Variants in MBLAC2 observed in about 807,000 individuals in gnomAD.
MBLAC2 encodes metallo-beta-lactamase domain containing 2.
In MBLAC2, 24 loss-of-function variants were observed where a neutral mutation model predicts 23.3. The ratio of observed to expected loss-of-function variants is 1.03; its 90% confidence interval spans 0.75 to 1.45. The LOEUF is 1.45. MBLAC2 is among the 40% of genes most tolerant of loss of function. The pLI is 0.00. For synonymous variants in MBLAC2, 162 were observed against 150.9 expected (o/e 1.07, Z -0.54); for missense variants, 358 against 370.0 (o/e 0.97, Z 0.27).
In MBLAC2 at chr5:90,474,114, G is replaced by A. The variant is rs1415809740; in HGVS notation, c.179C>T (p.Ser60Phe). 6.3e-7 allele frequency: 1 copy of A among 1,580,418 alleles called. No individual in the cohort carries two copies. The highest frequency in any genetic ancestry group is 8.6e-7 in the Non-Finnish European group (1 of 1,163,114). The change falls in exon 1 of 2, where the codon TCC (serine) becomes TTC (phenylalanine). Residue 60 changes from serine (S) to phenylalanine (F), a missense_variant. By Grantham distance (155) the Ser-to-Phe change is radical. Coordinates refer to ENST00000316610, the MANE Select transcript of MBLAC2 (RefSeq NM_203406.2). Reference sequence around the variant, plus strand: ...GGCCTCTCGGTCCTGCAAGAGGCCGGAGGAGTACAGGTACTCCGGGAGGCT... The same window carrying A: ...GGCCTCTCGGTCCTGCAAGAGGCCGAAGGAGTACAGGTACTCCGGGAGGCT... ...LRSLPEYLYS[S>F]GLLQDREAKE...
intron 1 of MBLAC2, chr5:90,473,499 T>C: frequency 1.7e-6 from 1 of 583,878 alleles, no homozygotes; most frequent in Non-Finnish European, 3.0e-6. Context: ...GGCAGGTGCT[T>C]AGGGAAAGAA....
chr5:90,461,118 G>C lies in MBLAC2; in HGVS notation c.*49C>G. 7.2e-7 allele frequency: 1 copy of C among 1,384,468 alleles called. No individual in the cohort carries two copies. 85.8% of individuals were successfully genotyped at this position (1,384,468 alleles called of 1,614,324 possible). On this transcript the variant is annotated 3_prime_UTR_variant, in exon 2 of 2. Coordinates refer to ENST00000316610, the MANE Select transcript of MBLAC2 (RefSeq NM_203406.2). Reference sequence around the variant, plus strand: ...CACTATTAATCAGTTAAATAGCACAGAATGAATTAATGTATATAATTAATC... The same window carrying C: ...CACTATTAATCAGTTAAATAGCACACAATGAATTAATGTATATAATTAATC...
intron 1 of MBLAC2, among the ~76,000 whole-genome samples, chr5:90,465,104 C>T (rs1339806979): frequency 6.6e-6 from 1 of 151,968 alleles, no homozygotes; most frequent in East Asian, 1.9e-4. Context: ...TACAGAAAAT[C>T]CTAAGTAGGA....
Position 90,473,544 on chromosome 5 carries a change from T to G in MBLAC2, c.454+295A>C, listed in dbSNP as rs558763914. Reference sequence around the variant, plus strand: ...CCTAGTCAGTCACAAGTCTTTGTAGTGTTACTGCTACAGCCGATGCAGGAA... The same window carrying G: ...CCTAGTCAGTCACAAGTCTTTGTAGGGTTACTGCTACAGCCGATGCAGGAA... On this transcript the variant is annotated intron_variant, in intron 1 of 1. Coordinates refer to ENST00000316610, the MANE Select transcript of MBLAC2 (RefSeq NM_203406.2). The G allele has an allele frequency of 4.0e-4, 252 of 623,374 alleles. 5 individuals carry two copies. The South Asian group carries it at 4.2e-3, about 10-fold the overall frequency. The allele number at this position is 623,374 out of a possible 1,614,324, so 38.6% of individuals were successfully genotyped here.
Position 90,474,294 on chromosome 5 carries a change from C to T in MBLAC2, c.-2G>A. On this transcript the variant is annotated 5_prime_UTR_variant, in exon 1 of 2. Coordinates refer to ENST00000316610, the MANE Select transcript of MBLAC2 (RefSeq NM_203406.2). ...GGCGTACCACTCGAGCGCCGACATGCTGGGCAGGGGTGCAGCCAGGCGGGG... is the reference window on the plus strand; with the variant it reads ...GGCGTACCACTCGAGCGCCGACATGTTGGGCAGGGGTGCAGCCAGGCGGGG... The T allele has an allele frequency of 6.2e-7, 1 of 1,612,574 alleles. No homozygotes were observed. Among genetic ancestry groups the T allele is most frequent in the Non-Finnish European group, 8.5e-7 (1 of 1,179,460 alleles).
Position 90,461,001 on chromosome 5 carries a change from A to G in MBLAC2, c.*166T>C, listed in dbSNP as rs1033152789. The G allele has an allele frequency of 8.3e-6, 5 of 605,572 alleles. No individual in the cohort carries two copies. Among genetic ancestry groups the G allele is most frequent in the Non-Finnish European group, 1.3e-5 (5 of 376,440 alleles). The allele number at this position is 605,572 out of a possible 1,614,324, so 37.5% of individuals were successfully genotyped here. On this transcript the variant is annotated 3_prime_UTR_variant, in exon 2 of 2. Coordinates refer to ENST00000316610, the MANE Select transcript of MBLAC2 (RefSeq NM_203406.2). Reference sequence around the variant, plus strand: ...TGGCTTCTTTCTTGGAAGAAAGAAAACAATTTAAACTAACAATTTTCTTTT... The same window carrying G: ...TGGCTTCTTTCTTGGAAGAAAGAAAGCAATTTAAACTAACAATTTTCTTTT...
In MBLAC2 at chr5:90,474,478, C is replaced by T. The variant is rs1169793070; in HGVS notation, c.-186G>A. On this transcript the variant is annotated 5_prime_UTR_variant, in exon 1 of 2. Transcript: ENST00000316610. ...GGAGGAAGGACGCAGACCGACGCTGCCCGTAGCGTGCGCTCCCGCACCCTT... is the reference window on the plus strand; with the variant it reads ...GGAGGAAGGACGCAGACCGACGCTGTCCGTAGCGTGCGCTCCCGCACCCTT... 26 of 605,122 alleles carry T rather than the reference C, an allele frequency of 4.3e-5. No individual in the cohort carries two copies. Among genetic ancestry groups the T allele is most frequent in the Admixed American group, 3.7e-4 (12 of 32,338 alleles). The allele number at this position is 605,122 out of a possible 1,614,324, so 37.5% of individuals were successfully genotyped here.
At chr5:90,463,071 A>G (rs1279413188) in intron 1 of MBLAC2, among the ~76,000 whole-genome samples, 1 of 152,216 alleles carries the variant, frequency 6.6e-6, no homozygotes, top group Non-Finnish European at 1.5e-5. Context: ...CAGAAAATTG[A>G]TAACATGTAG....
chr5:90,474,619 T>G lies in MBLAC2; in HGVS notation c.-327A>C. On this transcript the variant is annotated 5_prime_UTR_variant, in exon 1 of 2. Coordinates refer to ENST00000316610, the MANE Select transcript of MBLAC2 (RefSeq NM_203406.2). Reference sequence around the variant, plus strand: ...TAACGCAGGGGCCACTGCAGCAGAATGGAGACTCAGGTGGCGACCGTTTCG... The same window carrying G: ...TAACGCAGGGGCCACTGCAGCAGAAGGGAGACTCAGGTGGCGACCGTTTCG... 1 of 349,916 alleles carries G rather than the reference T, an allele frequency of 2.9e-6. No homozygotes were observed. 21.7% of individuals were successfully genotyped at this position (349,916 alleles called of 1,614,324 possible).
At position 90,473,487 on chromosome 5, in the gene MBLAC2, C is replaced by T. The variant is rs563323941; in HGVS notation, c.454+352G>A. 340 of 579,540 alleles carry T rather than the reference C, an allele frequency of 5.9e-4. 2 individuals are homozygous for T. The African/African-American group carries it at 6.0e-3, about 10-fold the overall frequency. 35.9% of individuals were successfully genotyped at this position (579,540 alleles called of 1,614,324 possible). ...TCACTACGAAAGCTCCTGGAAATGT[C>T]GGGCAGGTGCTTAGGGAAAGAATGA... On this transcript the variant is annotated intron_variant, in intron 1 of 1. Transcript: ENST00000316610.
rs1750694474 is a variant in MBLAC2, at chr5:90,474,721, G to A, written c.-429C>T. 9.9e-6 allele frequency: 2 copies of A among 201,956 alleles called. No homozygotes were observed. Among genetic ancestry groups the A allele is most frequent in the South Asian group, 1.5e-4 (2 of 13,512 alleles). 12.5% of individuals were successfully genotyped at this position (201,956 alleles called of 1,614,324 possible). On this transcript the variant is annotated 5_prime_UTR_variant, in exon 1 of 2. Transcript: ENST00000316610. Reference sequence around the variant, plus strand: ...GAACCGCCCACCCACTGGCTCTGCAGGGCGCGCACTCCCAGCTGGCGCAGA... The same window carrying A: ...GAACCGCCCACCCACTGGCTCTGCAAGGCGCGCACTCCCAGCTGGCGCAGA...
intron 1 of MBLAC2, among the ~76,000 whole-genome samples, chr5:90,469,091 G>C (rs1490059647): frequency 6.6e-6 from 1 of 152,104 alleles, no homozygotes; most frequent in Non-Finnish European, 1.5e-5. Context: ...TCAGCCTCCC[G>C]AGTAGCTGGG....
chr5:90,470,816 C>G (rs1750535352), intron 1 of MBLAC2, among the ~76,000 whole-genome samples: 1 of 150,760 alleles, frequency 6.6e-6, no homozygotes, highest in Admixed American at 6.6e-5. Flanking sequence ...CATACTGAGC[C>G]CTTAAGCTCA....
intron 1 of MBLAC2, among the ~76,000 whole-genome samples, chr5:90,463,078 G>A (rs187412270): frequency 3.7e-4 from 57 of 152,300 alleles, no homozygotes; most frequent in Non-Finnish European, 7.5e-4. Flanking sequence ...TTGATAACAT[G>A]TAGTCTTTTT....
At chr5:90,462,960 G>A (rs1292736742) in intron 1 of MBLAC2, among the ~76,000 whole-genome samples, 7 of 152,088 alleles carry the variant, frequency 4.6e-5, no homozygotes, top group African/African-American at 1.7e-4. Flanking sequence ...AGGCTATAAA[G>A]CTAGGCCATA....
In MBLAC2 at chr5:90,459,374, T is replaced by C. The variant is rs945731940; in HGVS notation, c.*1793A>G. ...CATATACACAATCACAAATCAATTT[T>C]TCTCATGCTAAATATGTGATGTTTG... On this transcript the variant is annotated 3_prime_UTR_variant, in exon 2 of 2. Coordinates refer to ENST00000316610, the MANE Select transcript of MBLAC2 (RefSeq NM_203406.2). 6.6e-6 allele frequency: 1 copy of C among 152,176 alleles called. No individual in the cohort carries two copies. Among genetic ancestry groups the C allele is most frequent in the Non-Finnish European group, 1.5e-5 (1 of 67,968 alleles). The allele number at this position is 152,176 out of a possible 1,614,324, so 9.4% of individuals were successfully genotyped here. A position where few individuals can be genotyped will look rare whatever the true frequency, so the allele number is the denominator to read the frequency against.
At chr5:90,469,695 G>C (rs1750512625) in intron 1 of MBLAC2, among the ~76,000 whole-genome samples, 1 of 152,072 alleles carries the variant, frequency 6.6e-6, no homozygotes. Flanking sequence ...GGGGGCATGA[G>C]TAAAAATGGC....
intron 1 of MBLAC2, among the ~76,000 whole-genome samples, chr5:90,468,673 T>C (rs997375231): frequency 1.3e-5 from 2 of 152,090 alleles, no homozygotes; most frequent in East Asian, 3.9e-4. Context: ...GACCATATGA[T>C]AGGCCACAAA....
At position 90,474,056 on chromosome 5, in the gene MBLAC2, G is replaced by A. The variant is rs35599358; in HGVS notation, c.237C>T (p.Ala79=). 3 of 1,583,050 alleles carry A rather than the reference G, an allele frequency of 1.9e-6. No homozygotes were observed. The highest frequency in any genetic ancestry group is 2.3e-5 in the South Asian group (2 of 87,070). ...KEDAARRPLL[A]VATHVHFDHS... ...GGTCGAAGTGCACGTGGGTGGCCAC[G>A]GCAAGCAGTGGCCGGCGCGCCGCGT... Residue 79 remains alanine, a synonymous_variant, in exon 1 of 2, where the codon GCC becomes GCT. Transcript: ENST00000316610.
Sources: gnomAD v4.1 joint callset for allele counts (sites outside exome capture counted in the v4.1 genomes callset) on GRCh38, gnomAD v4.1.1 for gene constraint, MANE v1.5 for transcripts, NCBI Gene and HGNC (gene_info 2026-07-23, HGNC 2026-07-21) for gene names.